Variants in SNX29 observed in about 807,000 individuals in gnomAD.
SNX29 encodes the protein sorting nexin-29.
In SNX29, 78 loss-of-function variants were observed where a neutral mutation model predicts 102.1. The observed-to-expected ratio is 0.76, with a 90% confidence interval of 0.64 to 0.92. The LOEUF is 0.92. Among genes scored for constraint, SNX29 ranks in the 40% least tolerant of loss-of-function variants. The pLI is 0.00. For missense variants in SNX29, 1,280 were observed against 1,061.7 expected (o/e 1.21, Z -2.86); for synonymous variants, 580 against 414.5 (o/e 1.40, Z -4.85).
At chr16:12,546,960 A>G (rs1277692640) in intron 20 of SNX29, among the ~76,000 whole-genome samples, 1 of 152,140 alleles carries the variant, frequency 6.6e-6, no homozygotes, top group Non-Finnish European at 1.5e-5. Context: ...CCACCCCTCC[A>G]TCCACCCATT....
intron 20 of SNX29, among the ~76,000 whole-genome samples, chr16:12,529,513 T>C (rs1463040768): frequency 2.0e-5 from 3 of 152,192 alleles, no homozygotes; most frequent in Non-Finnish European, 4.4e-5. Flanking sequence ...ATTATTAAAA[T>C]GGTTTTCTGC....
At chr16:12,115,485 T>TTGTGTGTGTGTGTG (rs3222983) in intron 11 of SNX29, among the ~76,000 whole-genome samples, 131 of 141,954 alleles carry the variant, frequency 9.2e-4, no homozygotes, top group African/African-American at 1.9e-3. Flanking sequence ...CCACCTTGAT[T>TTGTGTGTGTGTGTG]TGTGTGTGTG....
intron 20 of SNX29, among the ~76,000 whole-genome samples, chr16:12,547,807 G>A (rs993245030): frequency 6.6e-6 from 1 of 152,168 alleles, no homozygotes; most frequent in Non-Finnish European, 1.5e-5. Flanking sequence ...GCTCAAGAAT[G>A]CTCTGCAGGG....
chr16:12,543,671 C>T (rs991083247), intron 20 of SNX29, among the ~76,000 whole-genome samples: 1 of 152,238 alleles, frequency 6.6e-6, no homozygotes, highest in Non-Finnish European at 1.5e-5. Context: ...TTCCAGCCTG[C>T]ATTCAACAAG....
At chr16:12,323,318 G>T (rs1013101614) in intron 15 of SNX29, among the ~76,000 whole-genome samples, 2 of 152,092 alleles carry the variant, frequency 1.3e-5, no homozygotes, top group Non-Finnish European at 2.9e-5. Flanking sequence ...TTCTCCAGTC[G>T]TGAGTTGTGC....
At chr16:12,540,556 C>G (rs1459480968) in intron 20 of SNX29, among the ~76,000 whole-genome samples, 1 of 152,214 alleles carries the variant, frequency 6.6e-6, no homozygotes, top group Non-Finnish European at 1.5e-5. Flanking sequence ...CCACCCTATG[C>G]CATGGCCCCT....
At chr16:12,269,009 T>C (rs1788664870) in intron 14 of SNX29, among the ~76,000 whole-genome samples, 1 of 152,360 alleles carries the variant, frequency 6.6e-6, no homozygotes, top group Admixed American at 6.5e-5. Flanking sequence ...GATGACCTGC[T>C]GATGGTACTG....
chr16:12,562,384 T>C (rs200039959), intron 20 of SNX29, among the ~76,000 whole-genome samples: 3 of 84,480 alleles, frequency 3.6e-5, no homozygotes, highest in Non-Finnish European at 6.9e-5. Flanking sequence ...TTAAAACAGC[T>C]CAAGAGACAG....
Position 12,335,833 on chromosome 16 carries a change from C to T in SNX29, c.1783-20330C>T, listed in dbSNP as rs555319693. ...AACTGGGTACCATAGTTATCCTTCCCGTTTACTAATGAGGACGCCAAGGCC... is the reference window on the plus strand; with the variant it reads ...AACTGGGTACCATAGTTATCCTTCCTGTTTACTAATGAGGACGCCAAGGCC... On this transcript the variant is annotated intron_variant, in intron 15 of 20. Transcript: ENST00000566228. Among the ~76,000 whole-genome samples, 353 of 152,254 alleles carry T rather than the reference C, an allele frequency of 2.3e-3. 2 individuals carry two copies. The highest frequency in any genetic ancestry group is 6.8e-3 in the Middle Eastern group (2 of 294).
At chr16:12,441,535 C>T (rs62028424) in intron 18 of SNX29, among the ~76,000 whole-genome samples, 1,743 of 152,244 alleles carry the variant, frequency 0.011, 20 homozygotes, top group Non-Finnish European at 0.02. Flanking sequence ...CTATACTAGT[C>T]TCTGTGTGAA....
At chr16:12,478,005 C>T (rs757668628) in intron 19 of SNX29, 146 bp downstream of exon 19, 58 of 961,170 alleles carry the variant, frequency 6.0e-5, no homozygotes, top group Non-Finnish European at 7.6e-5. Context: ...AAAGAAATAG[C>T]CATTCATAAT....
At chr16:12,018,421 A>T (rs1039618663) in intron 3 of SNX29, among the ~76,000 whole-genome samples, 4 of 108,926 alleles carry the variant, frequency 3.7e-5, no homozygotes, top group South Asian at 2.5e-4. Flanking sequence ...ACTAAAAATT[A>T]AAAAAAAAAA....
chr16:12,284,261 G>A (rs537411788), intron 15 of SNX29, among the ~76,000 whole-genome samples: 3 of 152,232 alleles, frequency 2.0e-5, no homozygotes, highest in African/African-American at 4.8e-5. Context: ...ACTTACTGCC[G>A]TATGTTCCTG....
At chr16:12,535,571 A>G (rs2077052360) in intron 20 of SNX29, among the ~76,000 whole-genome samples, 1 of 152,174 alleles carries the variant, frequency 6.6e-6, no homozygotes, top group African/African-American at 2.4e-5. Context: ...GGGGAGTGTG[A>G]GCTGGGTATG....
chr16:12,337,978 T>C (rs289671), intron 15 of SNX29, among the ~76,000 whole-genome samples: 148,215 of 152,302 alleles, frequency 0.97, 72,254 homozygotes, highest in Middle Eastern at 1. Context: ...TGCTGCGGTC[T>C]TTGGGTTGAA....
chr16:12,029,841 C>T lies in SNX29; in HGVS notation c.247+2397C>T, dbSNP rs533654436. 6 of 343,506 alleles carry T rather than the reference C, an allele frequency of 1.7e-5. No individual in the cohort carries two copies. The East Asian group carries it at 4.0e-4, about 23-fold the overall frequency. The allele number at this position is 343,506 out of a possible 1,614,324, so 21.3% of individuals were successfully genotyped here. Reference sequence around the variant, plus strand: ...TCCTGACTTCAGGTAATCTGCCCGCCTCGACCTCCCAAAGTGCTGGGATTA... The same window carrying T: ...TCCTGACTTCAGGTAATCTGCCCGCTTCGACCTCCCAAAGTGCTGGGATTA... On this transcript the variant is annotated intron_variant, in intron 4 of 20. Coordinates refer to ENST00000566228, the MANE Select transcript of SNX29 (RefSeq NM_032167.5).
chr16:12,084,147 ATTTTT>A (rs74839237), intron 11 of SNX29, among the ~76,000 whole-genome samples: 2 of 147,084 alleles, frequency 1.4e-5, no homozygotes, highest in Non-Finnish European at 3.0e-5. Context: ...GAAAAAGTTA[ATTTTT>A]TTTTTTTTTT....
intron 1 of SNX29, among the ~76,000 whole-genome samples, chr16:11,985,791 G>A (rs1248573116): frequency 6.6e-6 from 1 of 151,304 alleles, no homozygotes; most frequent in African/African-American, 2.4e-5. Context: ...TGGCTCCTAG[G>A]TTTTCTTCCT....
intron 19 of SNX29, among the ~76,000 whole-genome samples, chr16:12,479,859 C>G (rs2087825592): frequency 6.6e-6 from 1 of 152,100 alleles, no homozygotes; most frequent in African/African-American, 2.4e-5. Context: ...CATTGTAGCA[C>G]AAGGTGGAAA....
Sources: gnomAD v4.1 joint callset for allele counts (sites outside exome capture counted in the v4.1 genomes callset) on GRCh38, gnomAD v4.1.1 for gene constraint, MANE v1.5 for transcripts, NCBI Gene and HGNC (gene_info 2026-07-23, HGNC 2026-07-21) for gene names.